FABP12: variants seen among roughly 807,000 people sequenced by gnomAD.
The protein encoded by FABP12 is fatty acid binding protein 12.
Under a neutral mutation model 13.7 loss-of-function variants are expected in FABP12, and 19 were observed. The observed-to-expected ratio is 1.39, with a 90% CI of 0.97 to 2.04. The LOEUF is 2.04. Among genes scored for constraint, FABP12 ranks in the 30% most tolerant of loss-of-function variants. The pLI is 0.00. For synonymous variants in FABP12, 61 were observed against 57.0 expected (o/e 1.07, Z -0.32); for missense variants, 182 against 164.2 (o/e 1.11, Z -0.59).
At chr8:81,570,466 C>G (rs1402780772) in intron 1 of FABP12, among the ~76,000 whole-genome samples, 3 of 152,114 alleles carry the variant, frequency 2.0e-5, no homozygotes, top group African/African-American at 4.8e-5. Context: ...CAGAGAAGAC[C>G]GCAGTGGGCA....
chr8:81,552,124 C>T (rs1809532219), intron 1 of FABP12, among the ~76,000 whole-genome samples: 1 of 152,050 alleles, frequency 6.6e-6, no homozygotes, highest in Admixed American at 6.6e-5. Context: ...AGCAGCTCAC[C>T]AATCTATGGG....
At chr8:81,588,265 G>T (rs532083032) in intron 1 of FABP12, among the ~76,000 whole-genome samples, 1 of 152,268 alleles carries the variant, frequency 6.6e-6, no homozygotes, top group East Asian at 1.9e-4. Flanking sequence ...CAGAGACTGT[G>T]GGGTTTTCTA....
At chr8:81,573,744 A>G (rs1016030566) in intron 1 of FABP12, among the ~76,000 whole-genome samples, 1 of 151,882 alleles carries the variant, frequency 6.6e-6, no homozygotes, top group Non-Finnish European at 1.5e-5. Flanking sequence ...TCTTGATTTG[A>G]TTCTCTGCTT....
chr8:81,571,050 C>T (rs978346882), intron 1 of FABP12, among the ~76,000 whole-genome samples: 5 of 34,728 alleles, frequency 1.4e-4, no homozygotes, highest in Admixed American at 3.9e-4. Flanking sequence ...ACCCTCAGGC[C>T]CCCACTCAGT....
chr8:81,575,853 G>A (rs115246632), intron 1 of FABP12, among the ~76,000 whole-genome samples: 2,641 of 152,224 alleles, frequency 0.017, 57 homozygotes, highest in African/African-American at 0.058. Flanking sequence ...CTGCTCATGT[G>A]AGGGATCTAG....
At chr8:81,561,087 A>G (rs896079508) in intron 1 of FABP12, among the ~76,000 whole-genome samples, 1 of 152,158 alleles carries the variant, frequency 6.6e-6, no homozygotes, top group Admixed American at 6.5e-5. Flanking sequence ...CCTAGAAGCA[A>G]CAGGATTTGG....
At chr8:81,544,179 G>A (rs1809397964) in intron 1 of FABP12, among the ~76,000 whole-genome samples, 1 of 152,196 alleles carries the variant, frequency 6.6e-6, no homozygotes, top group East Asian at 1.9e-4. Context: ...GAGTTTATTA[G>A]ATTCCTAGGG....
At chr8:81,553,130 G>T (rs1809547569) in intron 1 of FABP12, among the ~76,000 whole-genome samples, 1 of 152,246 alleles carries the variant, frequency 6.6e-6, no homozygotes, top group South Asian at 2.1e-4. Context: ...TGCACCCCAA[G>T]GAACACTAAC....
chr8:81,548,941 G>A (rs1424640516), intron 1 of FABP12, among the ~76,000 whole-genome samples: 1 of 152,064 alleles, frequency 6.6e-6, no homozygotes, highest in Non-Finnish European at 1.5e-5. Context: ...AATACTTTTT[G>A]CATGAGATTA....
Position 81,568,356 on chromosome 8 carries a change from G to A in FABP12, c.-185+21697C>T, listed in dbSNP as rs1160877683. Among the ~76,000 whole-genome samples, 3 of 152,100 alleles carry A rather than the reference G, an allele frequency of 2.0e-5. No individual in the cohort carries two copies. The South Asian group carries it at 6.2e-4, about 32-fold the overall frequency. On this transcript the variant is annotated intron_variant, in intron 1 of 5. Transcript: ENST00000692030. The stretch of plus-strand genomic sequence containing the variant: ...TTTCTCAAAAGAAGACATACAAATG[G>A]AAAACAGACATATAAAAAAGGTGCT...
At chr8:81,532,146 G>A (rs550255700) in intron 1 of FABP12, among the ~76,000 whole-genome samples, 6 of 152,296 alleles carry the variant, frequency 3.9e-5, no homozygotes, top group African/African-American at 1.4e-4. Context: ...AGTCAGAACA[G>A]GGGTCAAGGA....
chr8:81,560,496 G>A (rs928871954), intron 1 of FABP12, among the ~76,000 whole-genome samples: 2 of 152,032 alleles, frequency 1.3e-5, no homozygotes, highest in Admixed American at 6.6e-5. Context: ...CTCAAAAAAG[G>A]TTGTTTTACA....
intron 1 of FABP12, among the ~76,000 whole-genome samples, chr8:81,573,663 T>C (rs1344158451): frequency 6.6e-6 from 1 of 152,146 alleles, no homozygotes; most frequent in Admixed American, 6.6e-5. Context: ...GGTCTTTCGA[T>C]TCCTTGGTTA....
Position 81,541,910 on chromosome 8 carries a change from TAAAAAAAAAAAAAAAAA to T in FABP12, c.-184-2184_-184-2168del, listed in dbSNP as rs1167487132. On this transcript the variant is annotated intron_variant, in intron 1 of 5. Transcript: ENST00000692030. ...CTGGACTTCCAGGAGTCCCAGGGTT[TAAAAAAAAAAAAAAAAA>T]AAAAAAAAAAAAAAGACAAAGAAAA... Among the ~76,000 whole-genome samples the T allele has an allele frequency of 1.5e-3, 104 of 71,154 alleles. 1 individual carries two copies. Among genetic ancestry groups the T allele is most frequent in the African/African-American group, 4.0e-3 (77 of 19,096 alleles). The allele number at this position is 71,154 out of a possible 152,430, so 46.7% of individuals were successfully genotyped here. A position where few individuals can be genotyped will look rare whatever the true frequency, so the allele number is the denominator to read the frequency against.
At chr8:81,542,463 G>A (rs182058467) in intron 1 of FABP12, among the ~76,000 whole-genome samples, 123 of 152,262 alleles carry the variant, frequency 8.1e-4, no homozygotes, top group African/African-American at 2.8e-3. Flanking sequence ...CAAATGACTT[G>A]GAGGTAATTG....
chr8:81,567,502 A>G (rs1809846699), intron 1 of FABP12, among the ~76,000 whole-genome samples: 1 of 152,226 alleles, frequency 6.6e-6, no homozygotes, highest in Non-Finnish European at 1.5e-5. Context: ...AAATAAATCC[A>G]TAAATCTAGA....
intron 1 of FABP12, among the ~76,000 whole-genome samples, chr8:81,576,918 A>G (rs1027291687): frequency 6.6e-6 from 1 of 152,202 alleles, no homozygotes; most frequent in African/African-American, 2.4e-5. Flanking sequence ...TTCCATCTAA[A>G]AGTGGCAGAA....
upstream of FABP12, among the ~76,000 whole-genome samples, chr8:81,534,946 A>T (rs189427383): frequency 3.6e-3 from 392 of 108,828 alleles, no homozygotes; most frequent in African/African-American, 0.015. Context: ...TCAAAAAATT[A>T]AAAAAAAAAT....
chr8:81,555,676 A>G (rs1338838847), intron 1 of FABP12, among the ~76,000 whole-genome samples: 1 of 152,208 alleles, frequency 6.6e-6, no homozygotes, highest in Non-Finnish European at 1.5e-5. Flanking sequence ...CAATTCAATT[A>G]AGGCAACATC....
Sources: allele counts gnomAD v4.1 joint callset (sites outside exome capture counted in the v4.1 genomes callset), GRCh38; gene constraint gnomAD v4.1.1; transcripts MANE v1.5; gene names NCBI Gene and HGNC (gene_info 2026-07-23, HGNC 2026-07-21).